FAF2: variants seen among roughly 807,000 people sequenced by gnomAD.
FAF2 encodes Fas associated factor family member 2.
FAF2 carries 9 observed loss-of-function variants against 62.3 expected under a neutral mutation model. The ratio of observed to expected loss-of-function variants is 0.14; its 90% CI spans 0.09 to 0.25. The LOEUF (loss-of-function observed/expected upper bound fraction) is 0.25. Ranked by LOEUF, FAF2 falls within the 10% of genes least tolerant of loss-of-function variation. The pLI is 1.00. For synonymous variants in FAF2, 202 were observed against 198.0 expected, an observed-to-expected ratio of 1.02 and a Z score of -0.17; for missense variants, 368 against 556.2, an observed-to-expected ratio of 0.66 and a Z score of 3.40.
rs10050658 is a variant in FAF2, at chr5:176,466,212, C to T, written c.64-12976C>T. On this transcript the variant is annotated intron_variant, in intron 1 of 10. Coordinates refer to ENST00000261942, the MANE Select transcript of FAF2 (RefSeq NM_014613.3). The stretch of plus-strand genomic sequence containing the variant: ...GAGCCTAGCCATGATCACTTAATTT[C>T]CTGAACAGATTTCAGATTTCATTTC... 5.5e-3 allele frequency among the ~76,000 whole-genome samples: 834 copies of T among 152,262 alleles called. 8 individuals carry two copies. Among genetic ancestry groups the T allele is most frequent in the African/African-American group, 0.018 (759 of 41,552 alleles).
chr5:176,488,432 T>C (rs919117006), intron 3 of FAF2, among the ~76,000 whole-genome samples: 2 of 152,220 alleles, frequency 1.3e-5, no homozygotes, highest in Non-Finnish European at 2.9e-5. Flanking sequence ...TTTGTTTGTT[T>C]GTTTTTTTGA....
At position 176,496,479 on chromosome 5, in the gene FAF2, T is replaced by C. The variant is rs753298256; in HGVS notation, c.662-7T>C. 4.5e-6 allele frequency: 7 copies of C among 1,562,642 alleles called. No homozygotes were observed. Among genetic ancestry groups the C allele is most frequent in the Non-Finnish European group, 6.1e-6 (7 of 1,157,000 alleles). ...CCTGCCCTTGATCTGTTGGGTCTTT[T>C]TATCAGTCTCACAGGCTTTACGAGA... On this transcript the variant is annotated splice_region_variant and splice_polypyrimidine_tract_variant and intron_variant, in intron 7 of 10. Coordinates refer to ENST00000261942, the MANE Select transcript of FAF2 (RefSeq NM_014613.3).
intron 2 of FAF2, among the ~76,000 whole-genome samples, chr5:176,480,539 A>G (rs1027159237): frequency 6.6e-6 from 1 of 151,992 alleles, no homozygotes; most frequent in Non-Finnish European, 1.5e-5. Flanking sequence ...TAGCCTCCCA[A>G]ATAGCTGGGA....
At chr5:176,479,353 T>C (rs1758753645) in intron 2 of FAF2, 97 bp downstream of exon 2, 1 of 965,044 alleles carries the variant, frequency 1.0e-6, no homozygotes, top group African/African-American at 1.6e-5. Context: ...TTTCAGTAGA[T>C]TTTTTTCAGA....
chr5:176,460,026 C>T (rs980505199), intron 1 of FAF2, among the ~76,000 whole-genome samples: 1 of 152,090 alleles, frequency 6.6e-6, no homozygotes, highest in Non-Finnish European at 1.5e-5. Context: ...GGATGACGGC[C>T]TCCGGCTACA....
intron 1 of FAF2, among the ~76,000 whole-genome samples, chr5:176,472,567 A>G (rs1361358465): frequency 2.6e-5 from 4 of 152,116 alleles, no homozygotes; most frequent in African/African-American, 9.6e-5. Flanking sequence ...ACAGGTAATG[A>G]GCCACTGCAC....
At chr5:176,491,178 G>A (rs1758965840) in intron 4 of FAF2, among the ~76,000 whole-genome samples, 1 of 152,184 alleles carries the variant, frequency 6.6e-6, no homozygotes, top group Admixed American at 6.5e-5. Context: ...GGGAAAATAT[G>A]CACGGCATGT....
At chr5:176,478,495 G>A (rs1043912451) in intron 1 of FAF2, among the ~76,000 whole-genome samples, 2 of 152,070 alleles carry the variant, frequency 1.3e-5, no homozygotes, top group African/African-American at 4.8e-5. Flanking sequence ...AAAGTGGCGG[G>A]GGGTAGGGGG....
At chr5:176,480,527 C>T (rs578201669) in intron 2 of FAF2, among the ~76,000 whole-genome samples, 15 of 151,940 alleles carry the variant, frequency 9.9e-5, no homozygotes, top group Non-Finnish European at 2.1e-4. Context: ...ATTTTCCTGC[C>T]CTAGCCTCCC....
intron 1 of FAF2, among the ~76,000 whole-genome samples, chr5:176,470,765 A>G (rs1758552200): frequency 6.6e-6 from 1 of 152,196 alleles, no homozygotes; most frequent in Non-Finnish European, 1.5e-5. Context: ...TTTTTAAGAG[A>G]TCACTGGAAA....
intron 1 of FAF2, among the ~76,000 whole-genome samples, chr5:176,465,367 T>TTTC (rs200433100): frequency 0.024 from 563 of 23,462 alleles, 3 homozygotes; most frequent in African/African-American, 0.16. Flanking sequence ...TTTTTCTTTC[T>TTTC]TTTTTTTTTT....
chr5:176,496,085 C>T (rs917668525), intron 7 of FAF2, among the ~76,000 whole-genome samples: 35 of 152,136 alleles, frequency 2.3e-4, no homozygotes, highest in African/African-American at 8.2e-4. Context: ...CCTTCCCTGG[C>T]ATCATCACAA....
intron 2 of FAF2, 46 bp downstream of exon 2, chr5:176,479,302 A>G (rs768190058): frequency 1.4e-6 from 2 of 1,461,358 alleles, no homozygotes; most frequent in Non-Finnish European, 1.9e-6. Flanking sequence ...CTCTGGTCTG[A>G]TTAAGAGTCA....
intron 1 of FAF2, among the ~76,000 whole-genome samples, chr5:176,449,788 A>C (rs1448118449): frequency 6.6e-6 from 1 of 152,238 alleles, no homozygotes; most frequent in East Asian, 1.9e-4. Context: ...CTTAGTGCGC[A>C]GCGCTGCTAG....
At chr5:176,481,656 CAAA>C (rs1399294224) in intron 2 of FAF2, among the ~76,000 whole-genome samples, 1 of 137,510 alleles carries the variant, frequency 7.3e-6, no homozygotes. Context: ...GACTCTGTCT[CAAA>C]AAAAAAAAGG....
intron 1 of FAF2, among the ~76,000 whole-genome samples, chr5:176,450,802 CT>C (rs1758152952): frequency 6.6e-6 from 1 of 152,124 alleles, no homozygotes; most frequent in African/African-American, 2.4e-5. Flanking sequence ...ATCCGCCCTC[CT>C]CGGCTGGGAT....
chr5:176,455,563 A>G (rs1191301334), intron 1 of FAF2, among the ~76,000 whole-genome samples: 1 of 152,236 alleles, frequency 6.6e-6, no homozygotes, highest in Non-Finnish European at 1.5e-5. Context: ...CAGCCTGGCC[A>G]ACATGGTGAA....
At chr5:176,470,562 G>A (rs773796145) in intron 1 of FAF2, among the ~76,000 whole-genome samples, 12 of 152,248 alleles carry the variant, frequency 7.9e-5, no homozygotes, top group Non-Finnish European at 1.6e-4. Flanking sequence ...GGGCAACAAA[G>A]AGCGAAACTC....
chr5:176,473,144 C>T (rs1490336437), intron 1 of FAF2, among the ~76,000 whole-genome samples: 1 of 152,056 alleles, frequency 6.6e-6, no homozygotes, highest in Non-Finnish European at 1.5e-5. Context: ...TAGTTTTTAC[C>T]TGATACTCTT....
Sources: allele counts gnomAD v4.1 joint callset (sites outside exome capture counted in the v4.1 genomes callset), GRCh38; gene constraint gnomAD v4.1.1; transcripts MANE v1.5; gene names NCBI Gene and HGNC (gene_info 2026-07-23, HGNC 2026-07-21).